PDE4D: variants seen among roughly 807,000 people sequenced by gnomAD.
PDE4D encodes phosphodiesterase 4D, also known as 3',5'-cyclic-AMP phosphodiesterase 4D.
PDE4D carries 24 observed loss-of-function variants against 87.4 expected under a neutral mutation model. The ratio of observed to expected loss-of-function variants is 0.27; its 90% confidence interval spans 0.20 to 0.39. PDE4D has a LOEUF of 0.39. Among genes scored for constraint, PDE4D ranks in the 10% least tolerant of loss-of-function variants. The probability of loss-of-function intolerance (pLI) is 1.00; values close to 1 mark genes in which losing one functional copy is unlikely to be tolerated. For synonymous variants in PDE4D, 384 were observed against 383.2 expected (o/e 1.00, Z -0.02); for missense variants, 714 against 1,041.0 (o/e 0.69, Z 4.32).
intron 1 of PDE4D, among the ~76,000 whole-genome samples, chr5:59,409,443 G>A (rs1792277656): frequency 6.6e-6 from 1 of 152,160 alleles, no homozygotes; most frequent in Admixed American, 6.5e-5. Context: ...CTCATATTGG[G>A]ATGTAATCCC....
At chr5:59,424,020 G>A (rs1429284235) in intron 1 of PDE4D, among the ~76,000 whole-genome samples, 2 of 152,070 alleles carry the variant, frequency 1.3e-5, no homozygotes, top group South Asian at 2.1e-4. Flanking sequence ...GCATCAAAGG[G>A]TGAGGTGAAG....
chr5:59,890,254 T>TACACACACACAC lies in PDE4D; in HGVS notation c.455+2902_455+2913dup, dbSNP rs56258601. ...TGATGGTAAGATGGTGGTGCGCACGTACACACACACACACACACACACACA... is the reference window on the plus strand; with the variant it reads ...TGATGGTAAGATGGTGGTGCGCACGTACACACACACACACACACACACACACACACACACACA... On this transcript the variant is annotated intron_variant, in intron 1 of 14. Transcript: ENST00000340635. Among the ~76,000 whole-genome samples the TACACACACACAC allele has an allele frequency of 2.7e-5, 4 of 145,458 alleles. No homozygotes were observed. The South Asian group carries it at 6.8e-4, about 25-fold the overall frequency.
chr5:60,064,880 A>G (rs1164550974), intron 2 of PDE4D, among the ~76,000 whole-genome samples: 1 of 152,118 alleles, frequency 6.6e-6, no homozygotes, highest in African/African-American at 2.4e-5. Flanking sequence ...TGATTTTTCA[A>G]GGGCATTTGG....
At chr5:59,482,909 C>A (rs12656245) in intron 1 of PDE4D, among the ~76,000 whole-genome samples, 2 of 152,106 alleles carry the variant, frequency 1.3e-5, no homozygotes, top group African/African-American at 4.8e-5. Context: ...TAATTAACAT[C>A]ATCTGGGGTA....
intron 3 of PDE4D, among the ~76,000 whole-genome samples, chr5:59,947,244 G>C (rs1263079069): frequency 6.6e-6 from 1 of 152,184 alleles, no homozygotes; most frequent in Non-Finnish European, 1.5e-5. Context: ...GCACTTTTGT[G>C]TAGAGAGCAC....
intron 1 of PDE4D, among the ~76,000 whole-genome samples, chr5:59,284,933 A>G (rs1420381894): frequency 3.7e-5 from 2 of 54,232 alleles, no homozygotes; most frequent in African/African-American, 1.5e-4. Context: ...GAAATTGGAA[A>G]CCATCATTCT....
chr5:60,337,587 G>A (rs1757925013), intron 1 of PDE4D, among the ~76,000 whole-genome samples: 1 of 151,352 alleles, frequency 6.6e-6, no homozygotes, highest in Admixed American at 6.6e-5. Flanking sequence ...TAAAAGGGAT[G>A]GATTTTACTG....
At chr5:59,265,634 C>T (rs924360190) in intron 1 of PDE4D, among the ~76,000 whole-genome samples, 1 of 152,184 alleles carries the variant, frequency 6.6e-6, no homozygotes, top group Non-Finnish European at 1.5e-5. Flanking sequence ...TAGATCAACT[C>T]ATTGAACATA....
chr5:59,313,029 G>A lies in PDE4D; in HGVS notation c.456-97061C>T, dbSNP rs116491661. Among the ~76,000 whole-genome samples the A allele has an allele frequency of 7.7e-3, 1,165 of 152,218 alleles. 15 individuals are homozygous for A. Among genetic ancestry groups the A allele is most frequent in the African/African-American group, 0.025 (1,039 of 41,550 alleles). ...AGAGGGACTGCCCTGGGATCCAAAA[G>A]GTCCCCCAGTTGAACCCCCATCCAA... is the stretch of plus-strand genomic sequence containing the variant. On this transcript the variant is annotated intron_variant, in intron 1 of 14. Transcript: ENST00000340635.
At chr5:59,156,711 TTTAAAAAATTGAAA>T (rs1780276539) in intron 5 of PDE4D, among the ~76,000 whole-genome samples, 1 of 152,036 alleles carries the variant, frequency 6.6e-6, no homozygotes. Context: ...GAAGCACAAT[TTTAAAAAATTGAAA>T]TAAAAATATT....
At chr5:60,375,639 G>A (rs577319162) in intron 1 of PDE4D, among the ~76,000 whole-genome samples, 11 of 152,220 alleles carry the variant, frequency 7.2e-5, no homozygotes, top group African/African-American at 2.6e-4. Flanking sequence ...CTAGGCACAG[G>A]GCTTATCAGT....
chr5:60,032,903 T>C (rs1582271855), intron 2 of PDE4D: 3 of 152,324 alleles, frequency 2.0e-5, no homozygotes, highest in Admixed American at 2.0e-4. Context: ...TTTGAAGAAC[T>C]GCAGTTCTTC....
intron 2 of PDE4D, among the ~76,000 whole-genome samples, chr5:60,158,774 C>T (rs1463926022): frequency 3.3e-5 from 5 of 152,016 alleles, no homozygotes; most frequent in Non-Finnish European, 7.4e-5. Flanking sequence ...TTTCACCGTG[C>T]TAGCCAGAAT....
At chr5:59,146,953 T>TGAGCAGCAGGCAAGC (rs1778757070) in intron 5 of PDE4D, among the ~76,000 whole-genome samples, 1 of 152,116 alleles carries the variant, frequency 6.6e-6, no homozygotes. Flanking sequence ...CAGCAGGAAG[T>TGAGCAGCAGGCAAGC]GAGCAGCAGG....
At chr5:60,481,350 G>A (rs1251834933) in intron 1 of PDE4D, among the ~76,000 whole-genome samples, 6 of 152,070 alleles carry the variant, frequency 3.9e-5, no homozygotes, top group Non-Finnish European at 7.4e-5. Flanking sequence ...TGTTTACTGA[G>A]AGGTAACTGT....
chr5:59,734,020 T>C (rs1273538175), intron 1 of PDE4D, among the ~76,000 whole-genome samples: 1 of 152,128 alleles, frequency 6.6e-6, no homozygotes, highest in Non-Finnish European at 1.5e-5. Context: ...CATAAACTTC[T>C]ATTTAATGAA....
intron 5 of PDE4D, among the ~76,000 whole-genome samples, chr5:59,075,299 A>C (rs958782722): frequency 1.8e-4 from 27 of 151,798 alleles, no homozygotes; most frequent in Admixed American, 1.6e-3. Flanking sequence ...TCTTTGAAAA[A>C]CTCATTTGAT....
intron 1 of PDE4D, among the ~76,000 whole-genome samples, chr5:60,358,179 A>G (rs1471257681): frequency 6.6e-6 from 1 of 152,166 alleles, no homozygotes. Flanking sequence ...ACCGCTTCCT[A>G]GTGACTGATG....
intron 3 of PDE4D, among the ~76,000 whole-genome samples, chr5:59,927,538 T>C (rs1305002046): frequency 2.0e-5 from 3 of 152,218 alleles, no homozygotes; most frequent in African/African-American, 7.2e-5. Context: ...ATCAACAAAG[T>C]GTACTGTTCA....
Sources: gnomAD v4.1 joint callset for allele counts (sites outside exome capture counted in the v4.1 genomes callset) on GRCh38, gnomAD v4.1.1 for gene constraint, MANE v1.5 for transcripts, NCBI Gene and HGNC (gene_info 2026-07-23, HGNC 2026-07-21) for gene names.